The following CUX2 variants were observed in gnomAD, a reference collection of about 807,000 sequenced individuals.
The protein encoded by CUX2 is homeobox protein cut-like 2.
Under a neutral mutation model 144.8 loss-of-function variants are expected in CUX2, and 40 were observed. The ratio of observed to expected loss-of-function variants is 0.28; its 90% CI spans 0.21 to 0.36. The LOEUF is 0.36. CUX2 is among the 10% of genes least tolerant of loss of function. The pLI is 1.00. For missense variants in CUX2, 1,615 were observed against 1,994.0 expected (o/e 0.81, Z 3.62); for synonymous variants, 827 against 875.6 (o/e 0.94, Z 0.98).
chr12:111,335,708 AAAAAAAT>A (rs1467203407), intron 19 of CUX2, among the ~76,000 whole-genome samples: 1 of 152,074 alleles, frequency 6.6e-6, no homozygotes, highest in Non-Finnish European at 1.5e-5. Flanking sequence ...CTCCATCTCC[AAAAAAAT>A]AAAAAATAAA....
intron 1 of CUX2, among the ~76,000 whole-genome samples, chr12:111,105,935 G>A (rs1873578387): frequency 6.6e-6 from 1 of 150,910 alleles, no homozygotes; most frequent in South Asian, 2.1e-4. Flanking sequence ...CATGATCATG[G>A]CTCACTGCAG....
chr12:111,208,075 G>C (rs1198454620), intron 1 of CUX2, among the ~76,000 whole-genome samples: 1 of 152,134 alleles, frequency 6.6e-6, no homozygotes. Flanking sequence ...ACACCCAGGA[G>C]TGAGGAGATT....
At chr12:111,138,143 G>A (rs1876041862) in intron 1 of CUX2, among the ~76,000 whole-genome samples, 1 of 152,212 alleles carries the variant, frequency 6.6e-6, no homozygotes, top group Non-Finnish European at 1.5e-5. Flanking sequence ...CGAGGGGAGG[G>A]GCTTGGCATG....
At chr12:111,055,515 A>G (rs947414285) in intron 1 of CUX2, among the ~76,000 whole-genome samples, 2 of 152,238 alleles carry the variant, frequency 1.3e-5, no homozygotes, top group Admixed American at 1.3e-4. Context: ...CTGGAAAAAA[A>G]TTATTCTCTG....
intron 1 of CUX2, among the ~76,000 whole-genome samples, chr12:111,194,310 C>T (rs1000321065): frequency 3.3e-5 from 5 of 152,182 alleles, no homozygotes; most frequent in Non-Finnish European, 5.9e-5. Context: ...AAATGGAAGC[C>T]GTCACTGTTA....
Position 111,071,073 on chromosome 12 carries a change from C to A in CUX2, c.63+36833C>A, listed in dbSNP as rs539624961. ...TTATGAGTAAGGCTGCTGTAAACAT[C>A]TTTCTCTAGGTTTTTTTTTTTTTTT... On this transcript the variant is annotated intron_variant, in intron 1 of 21. Coordinates refer to ENST00000261726, the MANE Select transcript of CUX2 (RefSeq NM_015267.4). 3.4e-5 allele frequency among the ~76,000 whole-genome samples: 5 copies of A among 146,952 alleles called. No individual in the cohort carries two copies. The South Asian group carries it at 1.1e-3, about 32-fold the overall frequency.
At chr12:111,182,864 G>A (rs1362839439) in intron 1 of CUX2, among the ~76,000 whole-genome samples, 1 of 152,154 alleles carries the variant, frequency 6.6e-6, no homozygotes, top group East Asian at 1.9e-4. Flanking sequence ...GCCAATGAAG[G>A]GACTCATAGC....
At chr12:111,047,330 C>T (rs1870046421) in intron 1 of CUX2, among the ~76,000 whole-genome samples, 1 of 152,168 alleles carries the variant, frequency 6.6e-6, no homozygotes, top group Non-Finnish European at 1.5e-5. Flanking sequence ...GACTTGTAGC[C>T]TTTATTAAAA....
chr12:111,073,394 A>G (rs938829532), intron 1 of CUX2, among the ~76,000 whole-genome samples: 1 of 152,094 alleles, frequency 6.6e-6, no homozygotes, highest in Admixed American at 6.5e-5. Context: ...TTTTTCATCC[A>G]TTCCCCTGTT....
chr12:111,111,691 G>A (rs1281574955), intron 1 of CUX2, among the ~76,000 whole-genome samples: 2 of 152,152 alleles, frequency 1.3e-5, no homozygotes, highest in Non-Finnish European at 1.5e-5. Flanking sequence ...AGGTGATGCT[G>A]ATGCTGCCTA....
intron 1 of CUX2, among the ~76,000 whole-genome samples, chr12:111,067,192 A>T (rs1370247535): frequency 6.6e-6 from 1 of 152,212 alleles, no homozygotes; most frequent in African/African-American, 2.4e-5. Flanking sequence ...CCAGGAAGAC[A>T]GGGAAGCTGC....
chr12:111,128,297 G>A (rs945196788), intron 1 of CUX2, among the ~76,000 whole-genome samples: 1 of 152,142 alleles, frequency 6.6e-6, no homozygotes, highest in African/African-American at 2.4e-5. Flanking sequence ...AGTCCTTCAG[G>A]GATGTCCCAG....
At chr12:111,167,653 T>C (rs1249814345) in intron 1 of CUX2, among the ~76,000 whole-genome samples, 1 of 152,052 alleles carries the variant, frequency 6.6e-6, no homozygotes, top group Non-Finnish European at 1.5e-5. Context: ...CTAACAATCC[T>C]ATTAGGTTGG....
chr12:111,294,920 G>A (rs976418269), intron 6 of CUX2, among the ~76,000 whole-genome samples: 3 of 151,930 alleles, frequency 2.0e-5, no homozygotes, highest in Admixed American at 6.6e-5. Context: ...AAAAGAAAAC[G>A]GAGGAAATAT....
intron 1 of CUX2, among the ~76,000 whole-genome samples, chr12:111,042,153 A>G (rs928824405): frequency 2.0e-5 from 3 of 152,252 alleles, no homozygotes; most frequent in Non-Finnish European, 2.9e-5. Flanking sequence ...GGGGGGCCCA[A>G]CGGTGCTTAA....
intron 1 of CUX2, among the ~76,000 whole-genome samples, chr12:111,166,928 T>C (rs1878183796): frequency 6.6e-6 from 1 of 152,232 alleles, no homozygotes. Context: ...AGCAGGCTGC[T>C]GGCTGCCACG....
intron 1 of CUX2, among the ~76,000 whole-genome samples, chr12:111,162,530 C>A (rs1010679608): frequency 1.3e-5 from 2 of 152,236 alleles, no homozygotes; most frequent in Admixed American, 1.3e-4. Context: ...AGGAAGAACT[C>A]AATGGCTCAC....
At chr12:111,259,718 G>A (rs111759017) in intron 3 of CUX2, among the ~76,000 whole-genome samples, 5 of 149,548 alleles carry the variant, frequency 3.3e-5, no homozygotes, top group African/African-American at 1.2e-4. Flanking sequence ...ACAAAGATTA[G>A]CCAGGTGTGT....
intron 1 of CUX2, among the ~76,000 whole-genome samples, chr12:111,207,907 A>G (rs1333107361): frequency 2.6e-5 from 4 of 152,176 alleles, no homozygotes; most frequent in African/African-American, 9.7e-5. Flanking sequence ...AGAGATGAGT[A>G]AGATCAACCA....
Sources: gnomAD v4.1 joint callset for allele counts (sites outside exome capture counted in the v4.1 genomes callset) on GRCh38, gnomAD v4.1.1 for gene constraint, MANE v1.5 for transcripts, NCBI Gene and HGNC (gene_info 2026-07-23, HGNC 2026-07-21) for gene names.